The following ANKRD11 variants were observed in gnomAD, a reference collection of about 807,000 sequenced individuals.
ANKRD11 encodes ankyrin repeat domain-containing protein 11.
In ANKRD11, 17 loss-of-function variants were observed where a neutral mutation model predicts 195.7. That is an observed-to-expected ratio of 0.09 (90% CI 0.06 to 0.13). ANKRD11 has a LOEUF of 0.13. Ranked by LOEUF, ANKRD11 falls within the 10% of genes least tolerant of loss-of-function variation. ANKRD11 has a pLI of 1.00. For synonymous variants in ANKRD11, 1,953 were observed against 1,528.1 expected, an observed-to-expected ratio of 1.28 and a Z score of -6.49; for missense variants, 3,735 against 3,566.1, an observed-to-expected ratio of 1.05 and a Z score of -1.21.
chr16:89,405,048 A>G (rs1199888041), intron 2 of ANKRD11, among the ~76,000 whole-genome samples: 1 of 152,132 alleles, frequency 6.6e-6, no homozygotes, highest in East Asian at 1.9e-4. Flanking sequence ...GCCATGGCCC[A>G]CAACACAGCC....
chr16:89,349,305 C>A (rs1410803115), intron 2 of ANKRD11, among the ~76,000 whole-genome samples: 1 of 151,730 alleles, frequency 6.6e-6, no homozygotes, highest in Non-Finnish European at 1.5e-5. Context: ...ACGGTGAAAC[C>A]CCATCTCTAC....
intron 2 of ANKRD11, among the ~76,000 whole-genome samples, chr16:89,354,258 A>G (rs2039363623): frequency 1.3e-5 from 2 of 151,828 alleles, no homozygotes; most frequent in Non-Finnish European, 2.9e-5. Flanking sequence ...AAAAAAAAAA[A>G]AAGAAAACTT....
intron 1 of ANKRD11, chr16:89,422,270 C>A (rs541713213): frequency 5.3e-5 from 8 of 152,148 alleles, no homozygotes; most frequent in South Asian, 2.1e-4. Flanking sequence ...GTTAGGGTGG[C>A]ACCACTGCAC....
chr16:89,310,632 C>T (rs2151896693), intron 3 of ANKRD11, among the ~76,000 whole-genome samples: 1 of 152,324 alleles, frequency 6.6e-6, no homozygotes, highest in African/African-American at 2.4e-5. Context: ...GAATATTTTG[C>T]AGCTTTCAGG....
rs1229233828 is a variant in ANKRD11, at chr16:89,274,591, G to C, written c.7713+223C>G. 7.7e-6 allele frequency: 5 copies of C among 645,594 alleles called. No homozygotes were observed. The East Asian group carries it at 1.1e-4, about 14-fold the overall frequency. 40.0% of individuals were successfully genotyped at this position (645,594 alleles called of 1,614,324 possible). ...GCTGAGGCCCAGCCCAGTGGCCTGA[G>C]GGCCTTGCCCGTGCGGGGAGCTGTC... On this transcript the variant is annotated intron_variant, in intron 11 of 12. Transcript: ENST00000301030.
In ANKRD11 at chr16:89,290,619, G is replaced by A; in HGVS notation, c.601+6C>T. ...CTCTGGCCCTTGCCAGGCACAGGGT[G>A]CCCACCTGCGAAGTCCTTGACGTTG... On this transcript the variant is annotated splice_donor_region_variant and intron_variant, in intron 6 of 12. Coordinates refer to ENST00000301030, the MANE Select transcript of ANKRD11 (RefSeq NM_013275.6). 8.1e-6 allele frequency: 13 copies of A among 1,611,652 alleles called. No individual in the cohort carries two copies. The highest frequency in any genetic ancestry group is 1.1e-5 in the Non-Finnish European group (13 of 1,179,954).
intron 1 of ANKRD11, among the ~76,000 whole-genome samples, chr16:89,473,983 G>A (rs2057173676): frequency 6.6e-6 from 1 of 152,204 alleles, no homozygotes; most frequent in South Asian, 2.1e-4. Flanking sequence ...ACTCTTTGCT[G>A]TTTTGAAGTG....
intron 2 of ANKRD11, among the ~76,000 whole-genome samples, chr16:89,384,874 G>GTTTTTTTTTTTT (rs1257714722): frequency 6.9e-5 from 5 of 72,746 alleles, no homozygotes; most frequent in African/African-American, 2.3e-4. Context: ...ATGAGAAATA[G>GTTTTTTTTTTTT]TTTTCTTTTT....
chr16:89,320,488 CGCAGAGCCGAGGGGCCGGCCA>C (rs1181359111), intron 2 of ANKRD11: 1 of 152,256 alleles, frequency 6.6e-6, no homozygotes, highest in Non-Finnish European at 1.5e-5. Context: ...GGAAGGTAAA[CGCAGAGCCGAGGGGCCGGCCA>C]GCACCTGGCC....
chr16:89,314,552 C>T (rs542417477), intron 3 of ANKRD11, among the ~76,000 whole-genome samples: 14 of 152,276 alleles, frequency 9.2e-5, no homozygotes, highest in African/African-American at 3.1e-4. Flanking sequence ...TTTCTCGTCT[C>T]GTGCTACCCT....
At chr16:89,336,287 G>A (rs2038349227) in intron 2 of ANKRD11, among the ~76,000 whole-genome samples, 1 of 152,202 alleles carries the variant, frequency 6.6e-6, no homozygotes, top group South Asian at 2.1e-4. Context: ...GTGCCGGGGA[G>A]CAGCCACCAA....
At position 89,437,077 on chromosome 16, in the gene ANKRD11, G is replaced by A. The variant is rs141550781; in HGVS notation, c.-144-18709C>T. Among the ~76,000 whole-genome samples the A allele has an allele frequency of 5.1e-3, 776 of 152,220 alleles. 5 individuals carry two copies. The highest frequency in any genetic ancestry group is 0.018 in the African/African-American group (749 of 41,514). ...GGAAGGAGATGTCACAGAAGAAAAC[G>A]ACAACACACACCCAAACGGCATCAG... On this transcript the variant is annotated intron_variant, in intron 1 of 12. Transcript: ENST00000301030.
chr16:89,301,231 G>C (rs2035836455), intron 4 of ANKRD11: 3 of 403,394 alleles, frequency 7.4e-6, no homozygotes, highest in Non-Finnish European at 1.3e-5. Flanking sequence ...CAAAGTGCTG[G>C]AAGGGTGAAG....
chr16:89,374,938 A>G (rs2040354645), intron 2 of ANKRD11, among the ~76,000 whole-genome samples: 1 of 152,218 alleles, frequency 6.6e-6, no homozygotes, highest in Non-Finnish European at 1.5e-5. Flanking sequence ...GAAAAAAGTC[A>G]GAAAAAGTAT....
intron 1 of ANKRD11, chr16:89,443,386 A>G (rs1300380582): frequency 6.6e-6 from 1 of 152,164 alleles, no homozygotes; most frequent in Non-Finnish European, 1.5e-5. Context: ...GCCCCTGTGC[A>G]ATGATGACAT....
chr16:89,428,493 C>T (rs1228047918), intron 1 of ANKRD11, among the ~76,000 whole-genome samples: 1 of 150,294 alleles, frequency 6.7e-6, no homozygotes, highest in Non-Finnish European at 1.5e-5. Flanking sequence ...GCCCTACACT[C>T]CAGCCTGGGT....
At chr16:89,488,737 T>C (rs936517525) in intron 1 of ANKRD11, among the ~76,000 whole-genome samples, 1 of 152,210 alleles carries the variant, frequency 6.6e-6, no homozygotes, top group Non-Finnish European at 1.5e-5. Context: ...CAAAAGATTC[T>C]CTAAGTTTTG....
intron 1 of ANKRD11, chr16:89,420,381 C>T (rs1304139910): frequency 6.6e-6 from 1 of 152,184 alleles, no homozygotes; most frequent in African/African-American, 2.4e-5. Flanking sequence ...AGTAAGGCCA[C>T]CCAGCAAATC....
At chr16:89,294,732 G>A (rs1156523325) in intron 4 of ANKRD11, among the ~76,000 whole-genome samples, 1 of 152,190 alleles carries the variant, frequency 6.6e-6, no homozygotes, top group Non-Finnish European at 1.5e-5. Flanking sequence ...ACCTGTACCT[G>A]CACTGTCAGG....
Sources: allele counts gnomAD v4.1 joint callset (sites outside exome capture counted in the v4.1 genomes callset), GRCh38; gene constraint gnomAD v4.1.1; transcripts MANE v1.5; gene names NCBI Gene and HGNC (gene_info 2026-07-23, HGNC 2026-07-21).